Variants in PRKACB observed in about 807,000 individuals in gnomAD.
PRKACB encodes the protein cAMP-dependent protein kinase catalytic subunit beta.
PRKACB carries 16 observed loss-of-function variants against 51.4 expected under a neutral mutation model. The observed-to-expected ratio is 0.31, with a 90% CI of 0.21 to 0.47. PRKACB has a LOEUF of 0.47. PRKACB is among the 20% of genes least tolerant of loss of function. PRKACB has a pLI of 1.00. For synonymous variants in PRKACB, 147 were observed against 154.4 expected (o/e 0.95, Z 0.35); for missense variants, 309 against 464.5 (o/e 0.67, Z 3.08).
chr1:84,106,479 C>T (rs1350259090), intron 1 of PRKACB, among the ~76,000 whole-genome samples: 3 of 152,024 alleles, frequency 2.0e-5, no homozygotes, highest in African/African-American at 4.8e-5. Flanking sequence ...AGCTGAGAGC[C>T]GAATCAGGAA....
In PRKACB at chr1:84,181,772, A is replaced by G. The variant is rs776173862; in HGVS notation, c.250-428A>G. On this transcript the variant is annotated intron_variant, in intron 2 of 9. Coordinates refer to ENST00000370685, the MANE Select transcript of PRKACB (RefSeq NM_182948.4). The stretch of plus-strand genomic sequence containing the variant: ...CTCTGATCCCTCAGTTTATCTATTC[A>G]TTACAGTTATTTGCAAGTGCATTAA... 5.9e-6 allele frequency: 8 copies of G among 1,366,014 alleles called. No homozygotes were observed. The African/African-American group carries it at 1.0e-4, about 18-fold the overall frequency. 84.6% of individuals were successfully genotyped at this position (1,366,014 alleles called of 1,614,324 possible). A position where few individuals can be genotyped will look rare whatever the true frequency, so the allele number is the denominator to read the frequency against.
chr1:84,131,721 A>G (rs1454484034), intron 1 of PRKACB, among the ~76,000 whole-genome samples: 1 of 152,238 alleles, frequency 6.6e-6, no homozygotes, highest in Non-Finnish European at 1.5e-5. Flanking sequence ...ACTTAGAGCC[A>G]AAGCCACTGG....
In PRKACB at chr1:84,159,406, G is replaced by C. The variant is rs367893819; in HGVS notation, c.187+14858G>C. On this transcript the variant is annotated intron_variant, in intron 1 of 9. Coordinates refer to ENST00000370685, the MANE Select transcript of PRKACB (RefSeq NM_182948.4). Reference sequence around the variant, plus strand: ...TAAGTCTTAATTTCACATTTGGATTGTTTGTTGCTAGTATATACAAATGTT... The same window carrying C: ...TAAGTCTTAATTTCACATTTGGATTCTTTGTTGCTAGTATATACAAATGTT... Among the ~76,000 whole-genome samples the C allele has an allele frequency of 4.9e-4, 74 of 152,006 alleles. 1 individual carries two copies. In the East Asian group the frequency reaches 0.013, roughly 27 times the overall value.
intron 1 of PRKACB, among the ~76,000 whole-genome samples, chr1:84,162,806 G>A (rs1487405197): frequency 1.3e-5 from 2 of 151,834 alleles, no homozygotes; most frequent in Non-Finnish European, 2.9e-5. Flanking sequence ...CCCATTCAGG[G>A]ACATTTTTTA....
At chr1:84,174,250 C>A (rs1201928246) in intron 1 of PRKACB, among the ~76,000 whole-genome samples, 1 of 151,768 alleles carries the variant, frequency 6.6e-6, no homozygotes, top group Non-Finnish European at 1.5e-5. Context: ...TTCTTCCATG[C>A]CATTTATGTA....
chr1:84,232,468 G>C (rs902568598), intron 9 of PRKACB, among the ~76,000 whole-genome samples: 2 of 152,058 alleles, frequency 1.3e-5, no homozygotes, highest in Non-Finnish European at 2.9e-5. Flanking sequence ...TCAATTCCTT[G>C]TTGACTTTCT....
intron 8 of PRKACB, among the ~76,000 whole-genome samples, chr1:84,208,543 A>G (rs1049136688): frequency 6.6e-6 from 1 of 152,210 alleles, no homozygotes; most frequent in South Asian, 2.1e-4. Flanking sequence ...CTGAGACAAG[A>G]TGAAAGGAGG....
chr1:84,128,836 A>T (rs1295783204), intron 1 of PRKACB, among the ~76,000 whole-genome samples: 1 of 152,172 alleles, frequency 6.6e-6, no homozygotes, highest in African/African-American at 2.4e-5. Flanking sequence ...TTCTGTGATT[A>T]TGGAAATGTT....
chr1:84,204,455 A>G (rs1252193421), intron 8 of PRKACB: 11 of 1,512,324 alleles, frequency 7.3e-6, no homozygotes, highest in African/African-American at 4.1e-5. Context: ...CAGACTTCTT[A>G]TCTTTGTAAT....
At chr1:84,167,852 CAT>C (rs879359473) in intron 1 of PRKACB, among the ~76,000 whole-genome samples, 5 of 151,378 alleles carry the variant, frequency 3.3e-5, no homozygotes, top group Admixed American at 6.6e-5. Context: ...AGGATGAAGT[CAT>C]ATAAAATGCT....
chr1:84,125,414 G>T (rs1651491243), intron 1 of PRKACB, among the ~76,000 whole-genome samples: 1 of 152,094 alleles, frequency 6.6e-6, no homozygotes, highest in Non-Finnish European at 1.5e-5. Flanking sequence ...TTTTAGATCG[G>T]GCCCACCTAA....
intron 6 of PRKACB, 128 bp from the exon 7 acceptor site, chr1:84,197,601 G>A (rs1668565077): frequency 2.1e-5 from 12 of 583,880 alleles, no homozygotes; most frequent in South Asian, 1.3e-4. Context: ...TTTCAATTAC[G>A]TGGACTTAAT....
chr1:84,153,636 TA>T (rs1257167030), intron 1 of PRKACB, among the ~76,000 whole-genome samples: 1 of 152,186 alleles, frequency 6.6e-6, no homozygotes. Flanking sequence ...TTGATGTTTT[TA>T]GGTTCCACAT....
chr1:84,094,526 G>A (rs1648772372), intron 1 of PRKACB, among the ~76,000 whole-genome samples: 4 of 151,686 alleles, frequency 2.6e-5, no homozygotes, highest in African/African-American at 9.7e-5. Context: ...AAATATTTGG[G>A]GGTTTTTAGC....
At chr1:84,187,116 A>G (rs1357648767) in intron 5 of PRKACB, among the ~76,000 whole-genome samples, 1 of 152,206 alleles carries the variant, frequency 6.6e-6, no homozygotes, top group Non-Finnish European at 1.5e-5. Context: ...GAGACCTGCT[A>G]TAGCCATTGA....
chr1:84,228,338 T>A (rs747996746), intron 9 of PRKACB, among the ~76,000 whole-genome samples: 1 of 152,200 alleles, frequency 6.6e-6, no homozygotes, highest in African/African-American at 2.4e-5. Context: ...TGGAGAATCA[T>A]GAATATGAAA....
intron 1 of PRKACB, among the ~76,000 whole-genome samples, chr1:84,085,496 A>G (rs1203218556): frequency 2.0e-5 from 3 of 152,242 alleles, no homozygotes; most frequent in African/African-American, 4.8e-5. Context: ...CAATGCTTCT[A>G]TTATATTTAT....
intron 5 of PRKACB, among the ~76,000 whole-genome samples, chr1:84,187,734 A>C (rs565794713): frequency 6.6e-6 from 1 of 152,160 alleles, no homozygotes; most frequent in Non-Finnish European, 1.5e-5. Context: ...TAACAGGTAT[A>C]TTATAGTTAT....
chr1:84,105,039 CA>C (rs559384785), intron 1 of PRKACB, among the ~76,000 whole-genome samples: 3 of 151,862 alleles, frequency 2.0e-5, no homozygotes, highest in East Asian at 1.9e-4. Context: ...AAAAACAAAA[CA>C]AAAAAAATCG....
Sources: gnomAD v4.1 joint callset for allele counts (sites outside exome capture counted in the v4.1 genomes callset) on GRCh38, gnomAD v4.1.1 for gene constraint, MANE v1.5 for transcripts, NCBI Gene and HGNC (gene_info 2026-07-23, HGNC 2026-07-21) for gene names.